EPS15: variants seen among roughly 807,000 people sequenced by gnomAD.
The protein encoded by EPS15 is epidermal growth factor receptor substrate 15.
EPS15 carries 72 observed loss-of-function variants against 113.8 expected under a neutral mutation model. That is an observed-to-expected ratio of 0.63 (90% CI 0.52 to 0.77). The LOEUF (loss-of-function observed/expected upper bound fraction) is 0.77, where lower values mean the gene tolerates loss of function less well. Among genes scored for constraint, EPS15 ranks in the 30% least tolerant of loss-of-function variants. The probability of loss-of-function intolerance (pLI) is 0.00; values close to 1 mark genes in which losing one functional copy is unlikely to be tolerated. For missense variants in EPS15, 1,048 were observed against 1,045.8 expected, an observed-to-expected ratio of 1.00 and a Z score of -0.03; for synonymous variants, 344 against 363.4, an observed-to-expected ratio of 0.95 and a Z score of 0.61.
chr1:51,371,553 T>C, intron 21 of EPS15, among the ~76,000 whole-genome samples: 1 of 151,996 alleles, frequency 6.6e-6, no homozygotes, highest in East Asian at 1.9e-4. Context: ...AGGCAAAGTT[T>C]AGATATACAG....
chr1:51,366,229 G>C (rs972383580), intron 21 of EPS15, among the ~76,000 whole-genome samples, 200 bp from the exon 22 acceptor site: 2 of 152,048 alleles, frequency 1.3e-5, no homozygotes, highest in Non-Finnish European at 2.9e-5. Context: ...CACCATGCCT[G>C]ACTAATTTTT....
intron 21 of EPS15, among the ~76,000 whole-genome samples, chr1:51,388,164 A>G (rs564687942): frequency 3.9e-4 from 60 of 152,286 alleles, no homozygotes; most frequent in African/African-American, 1.1e-3. Context: ...GGATTAAGAA[A>G]CTCACTCAAA....
chr1:51,371,029 C>G (rs190404547), intron 21 of EPS15, among the ~76,000 whole-genome samples: 1 of 152,176 alleles, frequency 6.6e-6, no homozygotes, highest in Admixed American at 6.5e-5. Context: ...GATTCTTGTG[C>G]CTCAGCCTCC....
At chr1:51,497,630 A>C (rs191291331) in intron 1 of EPS15, among the ~76,000 whole-genome samples, 1 of 152,196 alleles carries the variant, frequency 6.6e-6, no homozygotes, top group Non-Finnish European at 1.5e-5. Flanking sequence ...TAAATCACAC[A>C]TATCTTTGCA....
intron 1 of EPS15, among the ~76,000 whole-genome samples, chr1:51,514,446 T>G (rs1283666334): frequency 6.6e-6 from 1 of 152,160 alleles, no homozygotes; most frequent in Non-Finnish European, 1.5e-5. Flanking sequence ...GTCATAGGTA[T>G]TAAGCCCAGT....
chr1:51,403,636 C>T (rs1648803691), intron 16 of EPS15, 104 bp from the exon 17 acceptor site: 1 of 584,472 alleles, frequency 1.7e-6, no homozygotes, highest in Admixed American at 3.5e-5. Context: ...AAAAGACAAG[C>T]AGAATGTATT....
intron 1 of EPS15, among the ~76,000 whole-genome samples, chr1:51,491,680 AC>A (rs1644235311): frequency 6.7e-6 from 1 of 148,468 alleles, no homozygotes; most frequent in South Asian, 2.1e-4. Flanking sequence ...AAGGAGAACA[AC>A]TCTAAAGCTA....
At chr1:51,514,706 A>G (rs1010000730) in intron 1 of EPS15, among the ~76,000 whole-genome samples, 1 of 152,152 alleles carries the variant, frequency 6.6e-6, no homozygotes, top group Non-Finnish European at 1.5e-5. Context: ...AAAGGAATGC[A>G]CTCTTAGATT....
chr1:51,383,419 AT>A (rs1646985631), intron 21 of EPS15, among the ~76,000 whole-genome samples: 1 of 152,092 alleles, frequency 6.6e-6, no homozygotes, highest in Non-Finnish European at 1.5e-5. Context: ...GTGGAAGACA[AT>A]TTTTTTAGGA....
At chr1:51,383,352 C>T (rs775116422) in intron 21 of EPS15, among the ~76,000 whole-genome samples, 1 of 152,160 alleles carries the variant, frequency 6.6e-6, no homozygotes, top group Non-Finnish European at 1.5e-5. Flanking sequence ...CCATTTCTAC[C>T]ACTTCTATTC....
intron 12 of EPS15, among the ~76,000 whole-genome samples, chr1:51,435,178 CTTTTTCT>C (rs769776971): frequency 5.3e-4 from 81 of 151,448 alleles, no homozygotes; most frequent in South Asian, 8.3e-4. Context: ...AAATCCTTTT[CTTTTTCT>C]TTTTTCTTTT....
chr1:51,442,954 C>T (rs1557474126), intron 11 of EPS15, among the ~76,000 whole-genome samples: 1 of 151,726 alleles, frequency 6.6e-6, no homozygotes, highest in Non-Finnish European at 1.5e-5. Context: ...GTCAAAGCTG[C>T]AAAAAATGCA....
chr1:51,358,699 G>GTTTT (rs1181151202), intron 24 of EPS15, among the ~76,000 whole-genome samples: 2 of 129,330 alleles, frequency 1.5e-5, no homozygotes, highest in African/African-American at 5.8e-5. Context: ...AACCAGATTT[G>GTTTT]TTTTTTTTTG....
intron 20 of EPS15, among the ~76,000 whole-genome samples, chr1:51,396,587 C>T (rs1035826198): frequency 1.3e-5 from 2 of 152,042 alleles, no homozygotes; most frequent in Admixed American, 6.6e-5. Context: ...ATTTGATTTG[C>T]CATCACAAGG....
chr1:51,445,008 T>C lies in EPS15; in HGVS notation c.835A>G (p.Lys279Glu). ...CDTKDCGKLS[K>E]DQFALAFHLI... The stretch of plus-strand genomic sequence containing the variant: ...TGAAAAGCCAAGGCAAACTGATCCT[T>C]TGAAAGCTTCCCACAGTCCTTTGTG... The change falls in exon 11 of 25, where the codon AAG becomes GAG. Residue 279 changes from lysine to glutamate, a missense_variant. By Grantham distance (56) the Lys-to-Glu change is moderately conservative. Transcript: ENST00000371733. 2 of 1,613,962 alleles carry C rather than the reference T, an allele frequency of 1.2e-6. No homozygotes were observed. The highest frequency in any genetic ancestry group is 1.7e-6 in the Non-Finnish European group (2 of 1,179,902).
At chr1:51,382,227 C>T (rs1210233096) in intron 21 of EPS15, 1 of 152,052 alleles carries the variant, frequency 6.6e-6, no homozygotes, top group East Asian at 1.9e-4. Flanking sequence ...GTCATGGAGA[C>T]TGAATCACAA....
chr1:51,406,194 G>GGCTA, intron 15 of EPS15, 86 bp from the exon 16 acceptor site: 1 of 1,111,278 alleles, frequency 9.0e-7, no homozygotes, highest in African/African-American at 1.5e-5. Flanking sequence ...CTTCCTGACG[G>GGCTA]GCTAGGTGTG....
At chr1:51,373,160 A>T (rs887620003) in intron 21 of EPS15, 2 of 161,260 alleles carry the variant, frequency 1.2e-5, no homozygotes, top group African/African-American at 4.8e-5. Context: ...AGAAAAGATG[A>T]CAAAGAGTAA....
rs993528413 is a variant in EPS15, at chr1:51,354,861, T to C, written c.*1839A>G. 4.9e-6 allele frequency: 1 copy of C among 202,424 alleles called. No individual in the cohort carries two copies. The highest frequency in any genetic ancestry group is 2.3e-5 in the African/African-American group (1 of 43,572). 12.5% of individuals were successfully genotyped at this position (202,424 alleles called of 1,614,324 possible). A position where few individuals can be genotyped will look rare whatever the true frequency, so the allele number is the denominator to read the frequency against. On this transcript the variant is annotated 3_prime_UTR_variant, in exon 25 of 25. Transcript: ENST00000371733. ...TTATAAGTTATAGATATTTAATATT[T>C]GAGTTTAATTGAAAATTTTTTTGAA... is the stretch of plus-strand genomic sequence containing the variant.
Sources: allele counts gnomAD v4.1 joint callset (sites outside exome capture counted in the v4.1 genomes callset), GRCh38; gene constraint gnomAD v4.1.1; transcripts MANE v1.5; gene names NCBI Gene and HGNC (gene_info 2026-07-23, HGNC 2026-07-21).